XXYLT1: variants seen among roughly 807,000 people sequenced by gnomAD.
The protein encoded by XXYLT1 is UDP-xylose:alpha-xyloside alpha-1,3-xylosyltransferase.
In XXYLT1, 20 loss-of-function variants were observed where a neutral mutation model predicts 28.9. The observed-to-expected ratio is 0.69, with a 90% confidence interval of 0.49 to 1.00. The LOEUF (loss-of-function observed/expected upper bound fraction) is 1.00, where lower values mean the gene tolerates loss of function less well. XXYLT1 is among the 50% of genes least tolerant of loss of function. XXYLT1 has a pLI of 0.00. For synonymous variants in XXYLT1, 257 were observed against 253.8 expected (o/e 1.01, Z -0.12); for missense variants, 542 against 560.1 (o/e 0.97, Z 0.33).
chr3:195,104,174 C>T (rs905465437), intron 3 of XXYLT1, among the ~76,000 whole-genome samples: 4 of 147,734 alleles, frequency 2.7e-5, no homozygotes, highest in Non-Finnish European at 3.0e-5. Context: ...CCCACTGTGA[C>T]GGTGATGACG....
intron 2 of XXYLT1, among the ~76,000 whole-genome samples, chr3:195,162,063 T>A (rs1452979730): frequency 6.7e-6 from 1 of 148,260 alleles, no homozygotes; most frequent in Non-Finnish European, 1.5e-5. Flanking sequence ...CACTCCAGCC[T>A]GGGTGACCGG....
intron 1 of XXYLT1, among the ~76,000 whole-genome samples, chr3:195,232,504 TTGATGTAG>T (rs1414763238): frequency 3.0e-4 from 46 of 152,258 alleles, no homozygotes; most frequent in East Asian, 3.9e-4. Flanking sequence ...TTCTTCTTTT[TTGATGTAG>T]GCATTTATAG....
At chr3:195,071,292 G>A (rs916535844) in intron 3 of XXYLT1, among the ~76,000 whole-genome samples, 1 of 152,184 alleles carries the variant, frequency 6.6e-6, no homozygotes, top group African/African-American at 2.4e-5. Flanking sequence ...ACCGGCCCCC[G>A]CAGAGAGACT....
chr3:195,190,364 G>A (rs575096530), intron 2 of XXYLT1, among the ~76,000 whole-genome samples: 27 of 151,886 alleles, frequency 1.8e-4, no homozygotes, highest in African/African-American at 4.8e-4. Context: ...GCTTGGTGGC[G>A]TGCACCTGTA....
chr3:195,219,614 C>G (rs569813779), intron 2 of XXYLT1, among the ~76,000 whole-genome samples: 1 of 152,270 alleles, frequency 6.6e-6, no homozygotes, highest in Non-Finnish European at 1.5e-5. Flanking sequence ...CTCATGCAGG[C>G]CTGTGAACCT....
At chr3:195,182,392 CA>C (rs1231471805) in intron 2 of XXYLT1, among the ~76,000 whole-genome samples, 7 of 152,216 alleles carry the variant, frequency 4.6e-5, no homozygotes, top group African/African-American at 1.4e-4. Context: ...TGAAAGTAAT[CA>C]TAGTAGCTTT....
rs1246321337 is a variant in XXYLT1, at chr3:195,124,753, C to T, written c.785+31696G>A. ...GTATCACAAGACTGCCCTCGCTGGC[C>T]GGGACACAGTCAGCCAGGTTCCAGG... On this transcript the variant is annotated intron_variant, in intron 3 of 3. Coordinates refer to ENST00000310380, the MANE Select transcript of XXYLT1 (RefSeq NM_152531.5). This position sits in a 1 kb window ranked among gnomAD's most constrained non-coding sequence, Gnocchi z 4.1. Among the ~76,000 whole-genome samples the T allele has an allele frequency of 1.3e-5, 2 of 152,108 alleles. No homozygotes were observed. Among genetic ancestry groups the T allele is most frequent in the African/African-American group, 2.4e-5 (1 of 41,414 alleles).
intron 3 of XXYLT1, among the ~76,000 whole-genome samples, chr3:195,096,654 CT>C (rs11355057): frequency 0.18 from 25,129 of 137,654 alleles, 2,564 homozygotes; most frequent in South Asian, 0.4. Flanking sequence ...ATTCCTTCTC[CT>C]CCTCAGGCCT....
chr3:195,069,736 G>A lies in XXYLT1; in HGVS notation c.1161C>T (p.Asn387=). The change falls in exon 4 of 4, where the codon AAC becomes AAT. Residue 387 remains asparagine (N), a synonymous_variant. Coordinates refer to ENST00000310380, the MANE Select transcript of XXYLT1 (RefSeq NM_152531.5). ...GCGCCTAGTCCTCCGGGATGGGAGT[G>A]TTGCAGTTCCCGTGGTAGATCTTGA... is the stretch of plus-strand genomic sequence containing the variant. The part of the protein sequence containing the change: ...GHVKIYHGNC[N]TPIPED 1 of 1,613,460 alleles carries A rather than the reference G, an allele frequency of 6.2e-7. No individual in the cohort carries two copies. Among genetic ancestry groups the A allele is most frequent in the Non-Finnish European group, 8.5e-7 (1 of 1,179,924 alleles).
At chr3:195,160,856 C>G (rs576388329) in intron 2 of XXYLT1, among the ~76,000 whole-genome samples, 3 of 152,224 alleles carry the variant, frequency 2.0e-5, no homozygotes, top group Non-Finnish European at 4.4e-5. Flanking sequence ...TTGGAATTGG[C>G]GGTGGTGGAT....
At chr3:195,178,633 C>T (rs554515986) in intron 2 of XXYLT1, among the ~76,000 whole-genome samples, 24 of 152,310 alleles carry the variant, frequency 1.6e-4, no homozygotes, top group African/African-American at 5.5e-4. Flanking sequence ...CTCTGCACTC[C>T]GGTTTGTGTC....
At chr3:195,163,002 T>TG (rs1720950292) in intron 2 of XXYLT1, among the ~76,000 whole-genome samples, 1 of 152,178 alleles carries the variant, frequency 6.6e-6, no homozygotes, top group Non-Finnish European at 1.5e-5. Flanking sequence ...TGGTTTTTTT[T>TG]TGTCTCTAAA....
rs930740070 is a variant in XXYLT1 at position 195,240,858 on chromosome 3, G to A, written c.505-14002C>T. On this transcript the variant is annotated intron_variant, in intron 1 of 3. Transcript: ENST00000310380. This position sits in a 1 kb window ranked among gnomAD's most constrained non-coding sequence, Gnocchi z 4.7. ...GGAGGATCGCTTGAACCTGGGAGGC[G>A]GAGGTTGCAGTGAGCTGAGATTGTG... Among the ~76,000 whole-genome samples the A allele has an allele frequency of 4.6e-5, 7 of 152,334 alleles. No homozygotes were observed. Among genetic ancestry groups the A allele is most frequent in the South Asian group, 4.1e-4 (2 of 4,828 alleles).
intron 3 of XXYLT1, among the ~76,000 whole-genome samples, chr3:195,151,380 A>T (rs2108672796): frequency 6.6e-6 from 1 of 151,842 alleles, no homozygotes; most frequent in South Asian, 2.1e-4. Flanking sequence ...ATAACACAAA[A>T]ATTAGTCAGG....
intron 2 of XXYLT1, among the ~76,000 whole-genome samples, chr3:195,160,649 GGGGT>G (rs1234610185): frequency 6.6e-6 from 1 of 152,252 alleles, no homozygotes. Context: ...GCAACTGAAA[GGGGT>G]GGAGACTTCC....
intron 3 of XXYLT1, among the ~76,000 whole-genome samples, chr3:195,110,499 CATG>C (rs1252835322): frequency 2.9e-3 from 50 of 17,228 alleles, no homozygotes; most frequent in Admixed American, 5.2e-3. Flanking sequence ...TGTATGTGTG[CATG>C]GTGTGTGGTG....
At chr3:195,167,134 T>C (rs1021524816) in intron 2 of XXYLT1, among the ~76,000 whole-genome samples, 1 of 152,270 alleles carries the variant, frequency 6.6e-6, no homozygotes, top group Non-Finnish European at 1.5e-5. Context: ...GTGTGTCCTA[T>C]CACTGTGACG....
chr3:195,071,236 A>G (rs1714788383), intron 3 of XXYLT1, among the ~76,000 whole-genome samples: 1 of 152,148 alleles, frequency 6.6e-6, no homozygotes, highest in South Asian at 2.1e-4. Flanking sequence ...GGGAGGACAC[A>G]TCGTGGCAGA....
At position 195,069,815 on chromosome 3, in the gene XXYLT1, C is replaced by G; in HGVS notation, c.1082G>C (p.Arg361Thr). Residue 361 changes from arginine (R) to threonine (T), a missense_variant, in exon 4 of 4, where the codon AGG becomes ACG. Coordinates refer to ENST00000310380, the MANE Select transcript of XXYLT1 (RefSeq NM_152531.5). ...GAAGACGTCACTGTAGCCATGGTCC[C>G]TCCACCAGGTGCACAGCTGCCGGTT... The part of the protein sequence containing the change: ...TWNRQLCTWW[R>T]DHGYSDVFEA... 1 of 1,614,190 alleles carries G rather than the reference C, an allele frequency of 6.2e-7. No homozygotes were observed. The highest frequency in any genetic ancestry group is 8.5e-7 in the Non-Finnish European group (1 of 1,180,038).
Sources: allele counts gnomAD v4.1 joint callset (sites outside exome capture counted in the v4.1 genomes callset), GRCh38; gene constraint gnomAD v4.1.1; non-coding constraint Gnocchi (gnomAD v3.1); transcripts MANE v1.5; gene names NCBI Gene and HGNC (gene_info 2026-07-23, HGNC 2026-07-21).